Variants in F13A1 observed in about 807,000 individuals in gnomAD.
F13A1 encodes coagulation factor XIII A chain, also known as FSF, A subunit.
A neutral mutation model predicts 80.1 loss-of-function variants in F13A1; 47 were observed. The observed-to-expected ratio is 0.59, with a 90% CI of 0.46 to 0.75. F13A1 has a LOEUF of 0.75. Ranked by LOEUF, F13A1 falls within the 30% of genes least tolerant of loss-of-function variation. The pLI is 0.00. For synonymous variants in F13A1, 349 were observed against 344.9 expected, an observed-to-expected ratio of 1.01 and a Z score of -0.13; for missense variants, 817 against 930.4, an observed-to-expected ratio of 0.88 and a Z score of 1.59.
chr6:6,300,994 C>A (rs1758421593), intron 3 of F13A1, among the ~76,000 whole-genome samples: 1 of 151,960 alleles, frequency 6.6e-6, no homozygotes, highest in Admixed American at 6.6e-5. Flanking sequence ...GTTTTTAAAC[C>A]ATCACTTTTA....
chr6:6,255,422 G>A (rs1263437634), intron 4 of F13A1, among the ~76,000 whole-genome samples: 1 of 152,184 alleles, frequency 6.6e-6, no homozygotes, highest in Non-Finnish European at 1.5e-5. Flanking sequence ...CTAGTGAGTT[G>A]TGAAGCTAGG....
chr6:6,297,879 G>A (rs1758355598), intron 3 of F13A1, among the ~76,000 whole-genome samples: 1 of 149,570 alleles, frequency 6.7e-6, no homozygotes, highest in South Asian at 2.1e-4. Context: ...TCTCTTGTGG[G>A]CATTTAGTGC....
At chr6:6,235,304 C>T (rs931165310) in intron 6 of F13A1, among the ~76,000 whole-genome samples, 2 of 151,828 alleles carry the variant, frequency 1.3e-5, no homozygotes, top group African/African-American at 2.4e-5. Flanking sequence ...AATTAAGAAC[C>T]TTTGCTCTTT....
Position 6,222,135 on chromosome 6 carries a change from G to A in F13A1, c.1010C>T (p.Thr337Ile). The A allele has an allele frequency of 1.2e-6, 2 of 1,614,004 alleles. No homozygotes were observed. Among genetic ancestry groups the A allele is most frequent in the Non-Finnish European group, 1.7e-6 (2 of 1,179,934 alleles). The change falls in exon 8 of 15, where the codon ACC (threonine) becomes ATC (isoleucine). Residue 337 changes from threonine to isoleucine, a missense_variant. Coordinates refer to ENST00000264870, the MANE Select transcript of F13A1 (RefSeq NM_000129.4). ...ATTATCATGGGCAGAGAAATAATTG[G>A]TAACAATTCTTGCTGGTATTCCAAG... ...RCLGIPARIV[T>I]NYFSAHDNDA...
intron 6 of F13A1, among the ~76,000 whole-genome samples, chr6:6,240,605 G>A (rs1007003166): frequency 2.3e-4 from 35 of 152,274 alleles, no homozygotes; most frequent in Admixed American, 9.2e-4. Flanking sequence ...CTCTCCACCT[G>A]CACTTTGGTT....
chr6:6,266,657 A>G lies in F13A1; in HGVS notation c.472T>C (p.Phe158Leu). Residue 158 changes from phenylalanine (F) to leucine (L), a missense_variant, in exon 4 of 15, where the codon TTC becomes CTC. Transcript: ENST00000264870. ...GTCCAGACAGCAACATACATGCGGA[A>G]TTTCCCCACAATACATTTGGGGGAA... ...QSSPKCIVGK[F>L]RMYVAVWTPY... 6.2e-7 allele frequency: 1 copy of G among 1,614,230 alleles called. No individual in the cohort carries two copies. Among genetic ancestry groups the G allele is most frequent in the Non-Finnish European group, 8.5e-7 (1 of 1,180,044 alleles).
At chr6:6,299,026 A>G (rs1450520206) in intron 3 of F13A1, among the ~76,000 whole-genome samples, 1 of 147,730 alleles carries the variant, frequency 6.8e-6, no homozygotes, top group Non-Finnish European at 1.5e-5. Context: ...TTGGCTGGAT[A>G]TGAAATTCGG....
chr6:6,277,192 C>T lies in F13A1; in HGVS notation c.320-10383G>A, dbSNP rs1400311362. On this transcript the variant is annotated intron_variant, in intron 3 of 14. Coordinates refer to ENST00000264870, the MANE Select transcript of F13A1 (RefSeq NM_000129.4). Reference sequence around the variant, plus strand: ...CTACTAAAAAATACAAAAAATTAGCCGGGCGTAGTGGCGGGCGCCTGTGGT... The same window carrying T: ...CTACTAAAAAATACAAAAAATTAGCTGGGCGTAGTGGCGGGCGCCTGTGGT... Among the ~76,000 whole-genome samples the T allele has an allele frequency of 1.1e-4, 7 of 66,612 alleles. 3 individuals carry two copies. The highest frequency in any genetic ancestry group is 2.0e-4 in the Non-Finnish European group (7 of 35,816). The allele number at this position is 66,612 out of a possible 152,430, so 43.7% of individuals were successfully genotyped here. A position where few individuals can be genotyped will look rare whatever the true frequency, so the allele number is the denominator to read the frequency against.
intron 3 of F13A1, among the ~76,000 whole-genome samples, chr6:6,303,655 A>G (rs1230005947): frequency 6.6e-6 from 1 of 152,174 alleles, no homozygotes. Context: ...CATCTAACTG[A>G]AATTTTGTAT....
intron 12 of F13A1, 81 bp from the exon 13 acceptor site, chr6:6,167,699 C>T (rs1002154590): frequency 5.1e-5 from 78 of 1,519,062 alleles, no homozygotes; most frequent in Non-Finnish European, 6.9e-5. Context: ...TTTCCCTACC[C>T]CTCCCACATT....
intron 12 of F13A1, 143 bp downstream of exon 12, chr6:6,174,437 G>T: frequency 2.3e-6 from 2 of 879,886 alleles, no homozygotes; most frequent in Non-Finnish European, 3.7e-6. Flanking sequence ...TGCAGAATGA[G>T]TGGGTTCTCC....
chr6:6,225,016 G>GA (rs1295909802), intron 6 of F13A1, among the ~76,000 whole-genome samples, 156 bp from the exon 7 acceptor site: 3 of 151,936 alleles, frequency 2.0e-5, no homozygotes, highest in Non-Finnish European at 4.4e-5. Flanking sequence ...TACATTGTTA[G>GA]AAAAAAAAGA....
At chr6:6,203,468 C>A (rs1045322521) in intron 8 of F13A1, among the ~76,000 whole-genome samples, 12 of 152,174 alleles carry the variant, frequency 7.9e-5, no homozygotes. Context: ...AGAGACAGAG[C>A]AAGTCAGGGA....
chr6:6,259,840 G>T (rs1382585279), intron 4 of F13A1, among the ~76,000 whole-genome samples: 1 of 152,182 alleles, frequency 6.6e-6, no homozygotes, highest in Non-Finnish European at 1.5e-5. Context: ...ATCCCTTAAA[G>T]GTAACTGATG....
intron 4 of F13A1, among the ~76,000 whole-genome samples, chr6:6,255,163 T>C (rs1757686249): frequency 6.6e-6 from 1 of 152,156 alleles, no homozygotes; most frequent in African/African-American, 2.4e-5. Flanking sequence ...TGTATGGACA[T>C]TGCCGTTTAA....
intron 8 of F13A1, among the ~76,000 whole-genome samples, chr6:6,214,458 A>G (rs1211654797): frequency 8.4e-6 from 1 of 118,506 alleles, no homozygotes; most frequent in Non-Finnish European, 1.8e-5. Context: ...GAAGGCAGAA[A>G]TAAAGATGTT....
rs754072030 is a variant in F13A1 at position 6,250,862 on chromosome 6, A to T, written c.639T>A (p.Ile213=). 2.1e-5 allele frequency: 34 copies of T among 1,613,630 alleles called. No individual in the cohort carries two copies. Among genetic ancestry groups the T allele is most frequent in the Non-Finnish European group, 2.6e-5 (31 of 1,179,858 alleles). Reference sequence around the variant, plus strand: ...TGATGTCATTGACCTCTCCATAAAAAATTACCCCGATGTCATTCAGGACAT... The same window carrying T: ...TGATGTCATTGACCTCTCCATAAAATATTACCCCGATGTCATTCAGGACAT... ...EEYVLNDIGV[I]FYGEVNDIKT... Residue 213 remains isoleucine, a synonymous_variant, in exon 5 of 15, where the codon ATT becomes ATA. Transcript: ENST00000264870. The surrounding 1 kb of genome is among the most constrained non-coding windows in gnomAD (Gnocchi z 4.2).
intron 13 of F13A1, among the ~76,000 whole-genome samples, chr6:6,156,904 C>T (rs1760488838): frequency 6.6e-6 from 1 of 152,168 alleles, no homozygotes; most frequent in African/African-American, 2.4e-5. Context: ...AAAATGTTCC[C>T]ATTACCCTAG....
At chr6:6,191,768 C>T (rs573143090) in intron 10 of F13A1, among the ~76,000 whole-genome samples, 11 of 152,220 alleles carry the variant, frequency 7.2e-5, no homozygotes, top group South Asian at 2.1e-4. Context: ...TGCTGCTTCT[C>T]AGAGGGCATA....
Sources: gnomAD v4.1 joint callset for allele counts (sites outside exome capture counted in the v4.1 genomes callset) on GRCh38, gnomAD v4.1.1 for gene constraint, Gnocchi (gnomAD v3.1) non-coding constraint, MANE v1.5 for transcripts, NCBI Gene and HGNC (gene_info 2026-07-23, HGNC 2026-07-21) for gene names.